Variants in PLEKHF1 observed in about 807,000 individuals in gnomAD.
PLEKHF1 encodes the protein pleckstrin homology domain-containing family F member 1.
A neutral mutation model predicts 4.1 loss-of-function variants in PLEKHF1; 1 was observed. The ratio of observed to expected loss-of-function variants is 0.24; its 90% confidence interval spans 0.09 to 1.15. The LOEUF (loss-of-function observed/expected upper bound fraction) is 1.15, where lower values mean the gene tolerates loss of function less well. Ranked by LOEUF, PLEKHF1 falls within the 50% of genes most tolerant of loss-of-function variation. PLEKHF1 has a pLI of 0.52. For missense variants in PLEKHF1, 429 were observed against 400.6 expected, an observed-to-expected ratio of 1.07 and a Z score of -0.60; for synonymous variants, 182 against 178.5, an observed-to-expected ratio of 1.02 and a Z score of -0.16.
At chr19:29,670,906 C>T (rs148990713) in intron 1 of PLEKHF1, among the ~76,000 whole-genome samples, 1,570 of 152,094 alleles carry the variant, frequency 0.01, 25 homozygotes, top group African/African-American at 0.036. Context: ...GATCTCCTGA[C>T]CTCATGATCC....
At chr19:29,673,526 G>A (rs755434140) in intron 1 of PLEKHF1, among the ~76,000 whole-genome samples, 2 of 152,122 alleles carry the variant, frequency 1.3e-5, no homozygotes, top group Non-Finnish European at 2.9e-5. Context: ...TGGAACCACA[G>A]GCATGAACCG....
In PLEKHF1 at chr19:29,674,486, G is replaced by A. The variant is rs201600613; in HGVS notation, c.647G>A (p.Arg216Gln). 5.1e-4 allele frequency: 782 copies of A among 1,545,794 alleles called. 3 individuals are homozygous for A. The African/African-American group carries it at 9.2e-3, about 18-fold the overall frequency. The change falls in exon 2 of 2, where the codon CGG (arginine) becomes CAG (glutamine). Residue 216 changes from arginine (R) to glutamine (Q), a missense_variant. Physicochemically the swap from Arg to Gln is conservative, Grantham distance 43. Transcript: ENST00000436066. ...TACCGCGAACTGGCCGCCCAGCAGC[G>A]GCAGGAGGAGGCGGAGGAGCAGGGC... ...LCYRELAAQQ[R>Q]QEEAEEQGAG...
chr19:29,668,717 C>G (rs1971596562), intron 1 of PLEKHF1, among the ~76,000 whole-genome samples: 1 of 147,786 alleles, frequency 6.8e-6, no homozygotes, highest in South Asian at 2.1e-4. Context: ...AAGACAATGT[C>G]TCAGAAAAAA....
chr19:29,668,799 C>G (rs897952782), intron 1 of PLEKHF1, among the ~76,000 whole-genome samples: 2 of 152,058 alleles, frequency 1.3e-5, no homozygotes, highest in Non-Finnish European at 2.9e-5. Flanking sequence ...GAAAAACCTA[C>G]AGGCAAGGTC....
At chr19:29,670,469 C>T (rs967009331) in intron 1 of PLEKHF1, among the ~76,000 whole-genome samples, 61 of 152,176 alleles carry the variant, frequency 4.0e-4, no homozygotes, top group African/African-American at 1.4e-3. Flanking sequence ...CCTTCCTTTT[C>T]GAGGCTGAAT....
intron 1 of PLEKHF1, among the ~76,000 whole-genome samples, chr19:29,668,081 G>A (rs572882975): frequency 1.3e-5 from 2 of 152,330 alleles, no homozygotes; most frequent in Admixed American, 6.5e-5. Context: ...TGGCTCCCAA[G>A]CCGCAGTGCT....
intron 1 of PLEKHF1, 72 bp downstream of exon 1, chr19:29,665,577 C>A: frequency 8.0e-7 from 1 of 1,243,276 alleles, no homozygotes; most frequent in Non-Finnish European, 1.0e-6. Flanking sequence ...TCTCCCATCA[C>A]CACCCCCGGA....
At position 29,665,518 on chromosome 19, in the gene PLEKHF1, AC is replaced by A; in HGVS notation, c.-17+15del. The A allele has an allele frequency of 8.1e-7, 1 of 1,235,198 alleles. No individual in the cohort carries two copies. The highest frequency in any genetic ancestry group is 1.0e-6 in the Non-Finnish European group (1 of 959,540). The allele number at this position is 1,235,198 out of a possible 1,614,324, so 76.5% of individuals were successfully genotyped here. A position where few individuals can be genotyped will look rare whatever the true frequency, so the allele number is the denominator to read the frequency against. On this transcript the variant is annotated intron_variant, in intron 1 of 1. Transcript: ENST00000436066. ...GCCGGCGCAGAAGGTGAGTCCCCCC[AC>A]CGTCCCCCGGCCGGGCTGCGGGTCG...
In PLEKHF1 at chr19:29,674,815, T is replaced by A; in HGVS notation, c.*136T>A. 7.6e-7 allele frequency: 1 copy of A among 1,315,900 alleles called. No homozygotes were observed. Among genetic ancestry groups the A allele is most frequent in the Non-Finnish European group, 1.0e-6 (1 of 980,532 alleles). The allele number at this position is 1,315,900 out of a possible 1,614,324, so 81.5% of individuals were successfully genotyped here. ...TGCAGCGGTGGGGAGTGGCTCTTTC[T>A]GGACTCCCAGTGCCTTTTTGCTGGA... On this transcript the variant is annotated 3_prime_UTR_variant, in exon 2 of 2. Coordinates refer to ENST00000436066, the MANE Select transcript of PLEKHF1 (RefSeq NM_024310.5).
chr19:29,674,379 C>T lies in PLEKHF1; in HGVS notation c.540C>T (p.Phe180=), dbSNP rs552960938. ...GCCACCACTGCCGCAAGTGCGGCTTCGTGGTCTGCGCTGAGTGCTCGCGCC... is the reference window on the plus strand; with the variant it reads ...GCCACCACTGCCGCAAGTGCGGCTTTGTGGTCTGCGCTGAGTGCTCGCGCC... ...TRRHHCRKCG[F]VVCAECSRQR... Residue 180 remains phenylalanine, a synonymous_variant, in exon 2 of 2, where the codon TTC becomes TTT. Transcript: ENST00000436066. 3.3e-6 allele frequency: 5 copies of T among 1,535,716 alleles called. No individual in the cohort carries two copies. The South Asian group carries it at 4.7e-5, about 15-fold the overall frequency.
rs763328811 is a variant in PLEKHF1 at position 29,674,617 on chromosome 19, G to A, written c.778G>A (p.Asp260Asn). ...GGACAAGGAGGGCAGCAGGGACGGCGACTGGCCCAGCAGCGTGGAGTTCTA... is the reference window on the plus strand; with the variant it reads ...GGACAAGGAGGGCAGCAGGGACGGCAACTGGCCCAGCAGCGTGGAGTTCTA... ...DEDKEGSRDG[D>N]WPSSVEFYAS... is the part of the protein sequence containing the mutation. Residue 260 changes from aspartate to asparagine, a missense_variant, in exon 2 of 2, where the codon GAC becomes AAC. Coordinates refer to ENST00000436066, the MANE Select transcript of PLEKHF1 (RefSeq NM_024310.5). 6.2e-7 allele frequency: 1 copy of A among 1,609,496 alleles called. No individual in the cohort carries two copies. Among genetic ancestry groups the A allele is most frequent in the Non-Finnish European group, 8.5e-7 (1 of 1,178,666 alleles).
intron 1 of PLEKHF1, among the ~76,000 whole-genome samples, chr19:29,670,683 T>G (rs1971621472): frequency 7.1e-6 from 1 of 141,704 alleles, no homozygotes; most frequent in African/African-American, 2.7e-5. Context: ...GTTTTTAACC[T>G]TTTTTTTTTT....
intron 1 of PLEKHF1, among the ~76,000 whole-genome samples, chr19:29,666,565 C>A (rs924621434): frequency 6.6e-6 from 1 of 152,092 alleles, no homozygotes; most frequent in African/African-American, 2.4e-5. Context: ...CGGACCTGCT[C>A]GGGATGGGGT....
intron 1 of PLEKHF1, among the ~76,000 whole-genome samples, chr19:29,667,939 T>C (rs147210916): frequency 6.6e-6 from 1 of 152,338 alleles, no homozygotes; most frequent in East Asian, 1.9e-4. Context: ...AAACTGGATT[T>C]AGAAAAGCTG....
intron 1 of PLEKHF1, among the ~76,000 whole-genome samples, chr19:29,666,180 G>A (rs1488014234): frequency 1.6e-5 from 2 of 126,620 alleles, no homozygotes; most frequent in African/African-American, 4.3e-5. Flanking sequence ...CTCTTTGCAG[G>A]TGGGAAAGCA....
chr19:29,666,076 T>C (rs1223695152), intron 1 of PLEKHF1, among the ~76,000 whole-genome samples: 1 of 152,040 alleles, frequency 6.6e-6, no homozygotes, highest in Non-Finnish European at 1.5e-5. Context: ...AGGAAACTAT[T>C]GAGCAGGCCC....
At chr19:29,670,677 T>G (rs1181824635) in intron 1 of PLEKHF1, among the ~76,000 whole-genome samples, 1 of 152,124 alleles carries the variant, frequency 6.6e-6, no homozygotes, top group African/African-American at 2.4e-5. Flanking sequence ...AGTTCTGTTT[T>G]TAACCTTTTT....
At position 29,675,414 on chromosome 19, in the gene PLEKHF1, C is replaced by T. The variant is rs1971697321; in HGVS notation, c.*735C>T. 6.0e-6 allele frequency: 1 copy of T among 167,070 alleles called. No individual in the cohort carries two copies. Among genetic ancestry groups the T allele is most frequent in the South Asian group, 2.1e-4 (1 of 4,838 alleles). 10.3% of individuals were successfully genotyped at this position (167,070 alleles called of 1,614,324 possible). ...TTCTGTTAGGACTCAGTTGCAAGAA[C>T]AGAAACCCTGCCCCCACTTAATAAT... On this transcript the variant is annotated 3_prime_UTR_variant, in exon 2 of 2. Coordinates refer to ENST00000436066, the MANE Select transcript of PLEKHF1 (RefSeq NM_024310.5).
intron 1 of PLEKHF1, among the ~76,000 whole-genome samples, chr19:29,665,970 G>T (rs1568308839): frequency 6.6e-6 from 1 of 152,036 alleles, no homozygotes; most frequent in South Asian, 2.1e-4. Context: ...GCGGCGGGGG[G>T]CGCTGGGGTC....
Sources: allele counts gnomAD v4.1 joint callset (sites outside exome capture counted in the v4.1 genomes callset), GRCh38; gene constraint gnomAD v4.1.1; transcripts MANE v1.5; gene names NCBI Gene and HGNC (gene_info 2026-07-23, HGNC 2026-07-21).